GPC5: variants seen among roughly 807,000 people sequenced by gnomAD.
GPC5 encodes the protein glypican-5.
In GPC5, 47 loss-of-function variants were observed where a neutral mutation model predicts 53.9. That is an observed-to-expected ratio of 0.87 (90% CI 0.69 to 1.11). The LOEUF is 1.11. GPC5 is among the 50% of genes most tolerant of loss of function. GPC5 has a pLI of 0.00. For synonymous variants in GPC5, 286 were observed against 263.3 expected, an observed-to-expected ratio of 1.09 and a Z score of -0.84; for missense variants, 748 against 713.1, an observed-to-expected ratio of 1.05 and a Z score of -0.56.
intron 7 of GPC5, among the ~76,000 whole-genome samples, chr13:92,830,239 G>A (rs1340802993): frequency 2.0e-5 from 3 of 151,714 alleles, no homozygotes; most frequent in Non-Finnish European, 2.9e-5. Flanking sequence ...CGTGTTTTGT[G>A]CCTAAGTTAA....
At chr13:92,177,387 C>A (rs147028652) in intron 7 of GPC5, among the ~76,000 whole-genome samples, 1 of 152,284 alleles carries the variant, frequency 6.6e-6, no homozygotes, top group African/African-American at 2.4e-5. Context: ...TCCCATCTCA[C>A]TTTCCTTATT....
At chr13:92,341,644 C>T (rs766335917) in intron 7 of GPC5, among the ~76,000 whole-genome samples, 2 of 152,054 alleles carry the variant, frequency 1.3e-5, no homozygotes, top group East Asian at 3.9e-4. Flanking sequence ...TAATTAAAGA[C>T]TTAGCTAGGT....
chr13:91,948,240 A>ATT lies in GPC5; in HGVS notation c.1401+40183_1401+40184insTT, dbSNP rs1367053824. Among the ~76,000 whole-genome samples, 262 of 147,980 alleles carry ATT rather than the reference A, an allele frequency of 1.8e-3. 1 individual carries two copies. The highest frequency in any genetic ancestry group is 5.7e-3 in the South Asian group (27 of 4,752). On this transcript the variant is annotated intron_variant, in intron 6 of 7. Coordinates refer to ENST00000377067, the MANE Select transcript of GPC5 (RefSeq NM_004466.6). ...GAGACTCTGTCTCAAAAAAAAAAAA[A>ATT]AAATAAATAATAATAATAATAAATA...
chr13:91,660,378 A>C (rs1016442107), intron 2 of GPC5, among the ~76,000 whole-genome samples: 1 of 152,160 alleles, frequency 6.6e-6, no homozygotes, highest in African/African-American at 2.4e-5. Context: ...TGGCCCACAT[A>C]AGTGAGCCTG....
At chr13:91,450,211 A>G (rs1270032189) in intron 2 of GPC5, among the ~76,000 whole-genome samples, 2 of 152,158 alleles carry the variant, frequency 1.3e-5, no homozygotes, top group Non-Finnish European at 2.9e-5. Context: ...AAACAACTTT[A>G]TTTCTATTGT....
At chr13:92,754,033 T>G (rs528066221) in intron 7 of GPC5, among the ~76,000 whole-genome samples, 1 of 152,218 alleles carries the variant, frequency 6.6e-6, no homozygotes, top group South Asian at 2.1e-4. Context: ...ATTGTCAGAT[T>G]CACCAAAGTT....
intron 5 of GPC5, among the ~76,000 whole-genome samples, chr13:91,812,178 G>C (rs1026523334): frequency 6.6e-6 from 1 of 152,164 alleles, no homozygotes; most frequent in Non-Finnish European, 1.5e-5. Context: ...GAAATTAGCA[G>C]ATTCAGACAA....
chr13:91,868,100 A>G (rs1270424942), intron 5 of GPC5, among the ~76,000 whole-genome samples: 2 of 152,222 alleles, frequency 1.3e-5, no homozygotes, highest in Non-Finnish European at 2.9e-5. Context: ...TCAAGGTCAT[A>G]TTGAAGAGTA....
chr13:91,829,149 T>A (rs759961250), intron 5 of GPC5, among the ~76,000 whole-genome samples: 1 of 152,086 alleles, frequency 6.6e-6, no homozygotes, highest in Non-Finnish European at 1.5e-5. Flanking sequence ...CTAAGAAGGC[T>A]ACACATGACC....
chr13:92,098,695 AAT>A (rs2041440850), intron 6 of GPC5, among the ~76,000 whole-genome samples: 1 of 152,196 alleles, frequency 6.6e-6, no homozygotes, highest in African/African-American at 2.4e-5. Context: ...AGCTGACTTT[AAT>A]ATAGCAACAT....
chr13:91,574,940 T>C (rs2032078020), intron 2 of GPC5, among the ~76,000 whole-genome samples: 1 of 152,166 alleles, frequency 6.6e-6, no homozygotes. Context: ...GGAATCATCC[T>C]AGAGTACTAG....
At chr13:92,151,961 G>A (rs1378675409) in intron 7 of GPC5, among the ~76,000 whole-genome samples, 2 of 152,168 alleles carry the variant, frequency 1.3e-5, no homozygotes, top group Admixed American at 6.5e-5. Flanking sequence ...GTATTTGAGA[G>A]GATGGACTTA....
chr13:91,703,969 A>G (rs753545595), intron 3 of GPC5, among the ~76,000 whole-genome samples: 24 of 152,148 alleles, frequency 1.6e-4, no homozygotes, highest in Non-Finnish European at 2.8e-4. Context: ...GATCCTTTGT[A>G]CAGAATTATC....
At chr13:92,105,348 A>C (rs535965128) in intron 6 of GPC5, among the ~76,000 whole-genome samples, 2 of 152,244 alleles carry the variant, frequency 1.3e-5, no homozygotes, top group South Asian at 4.1e-4. Context: ...TCTAGCATAA[A>C]ATTGTTTAAT....
chr13:91,496,728 CAG>C (rs1176262138), intron 2 of GPC5, among the ~76,000 whole-genome samples: 1 of 152,072 alleles, frequency 6.6e-6, no homozygotes, highest in Non-Finnish European at 1.5e-5. Context: ...GACAGCATAA[CAG>C]GGTGACTATG....
At chr13:91,717,729 G>A (rs456860) in intron 3 of GPC5, among the ~76,000 whole-genome samples, 5,810 of 152,000 alleles carry the variant, frequency 0.038, 148 homozygotes, top group Middle Eastern at 0.12. Flanking sequence ...GCTAATTTTT[G>A]TATTTTTAGT....
chr13:91,740,712 C>G (rs342718), intron 4 of GPC5, among the ~76,000 whole-genome samples: 112,327 of 152,050 alleles, frequency 0.74, 41,606 homozygotes, highest in Middle Eastern at 0.82. Flanking sequence ...TCACAATTTT[C>G]CCTTTTTGAG....
At chr13:92,724,848 G>C (rs111944627) in intron 7 of GPC5, among the ~76,000 whole-genome samples, 77 of 146,654 alleles carry the variant, frequency 5.3e-4, no homozygotes, top group African/African-American at 1.8e-3. Context: ...TTTCTTAAAA[G>C]GGTAGATTTG....
intron 5 of GPC5, among the ~76,000 whole-genome samples, chr13:91,844,575 C>A (rs941863571): frequency 7.2e-5 from 11 of 152,198 alleles, no homozygotes; most frequent in Admixed American, 5.9e-4. Context: ...GAGTGGGAAT[C>A]TAGACCTCAG....
Sources: gnomAD v4.1 joint callset for allele counts (sites outside exome capture counted in the v4.1 genomes callset) on GRCh38, gnomAD v4.1.1 for gene constraint, MANE v1.5 for transcripts, NCBI Gene and HGNC (gene_info 2026-07-23, HGNC 2026-07-21) for gene names.